Variants in MYO7A observed in about 807,000 individuals in gnomAD.
MYO7A encodes myosin VIIA.
MYO7A carries 210 observed loss-of-function variants against 263.8 expected under a neutral mutation model. That is an observed-to-expected ratio of 0.80 (90% CI 0.71 to 0.89). The LOEUF (loss-of-function observed/expected upper bound fraction) is 0.89, where lower values mean the gene tolerates loss of function less well. Among genes scored for constraint, MYO7A ranks in the 40% least tolerant of loss-of-function variants. The pLI is 0.00. For synonymous variants in MYO7A, 1,239 were observed against 1,197.3 expected (o/e 1.03, Z -0.72); for missense variants, 2,820 against 2,968.3 (o/e 0.95, Z 1.16).
intron 2 of MYO7A, 138 bp downstream of exon 2, chr11:77,130,790 G>A: frequency 1.0e-6 from 1 of 955,440 alleles, no homozygotes; most frequent in Admixed American, 2.1e-5. Flanking sequence ...AGCCCTCCAG[G>A]CTGAGGCCTA....
At chr11:77,140,314 G>C (rs1188547137) in intron 2 of MYO7A, among the ~76,000 whole-genome samples, 1 of 152,172 alleles carries the variant, frequency 6.6e-6, no homozygotes, top group Non-Finnish European at 1.5e-5. Flanking sequence ...GACTCTATCA[G>C]TGTTTCCTGT....
intron 3 of MYO7A, 72 bp from the exon 4 acceptor site, chr11:77,147,726 G>T: frequency 2.6e-6 from 4 of 1,529,898 alleles, no homozygotes; most frequent in Non-Finnish European, 3.5e-6. Flanking sequence ...GCTCCCGCCC[G>T]TCCCGGCCCC....
chr11:77,133,580 T>A (rs1950827362), intron 2 of MYO7A, among the ~76,000 whole-genome samples: 1 of 152,270 alleles, frequency 6.6e-6, no homozygotes. Flanking sequence ...ATGAAATCCT[T>A]CTACTTTTAA....
rs775968441 is a variant in MYO7A, at chr11:77,198,536, T to C, written c.4483T>C (p.Trp1495Arg). 6.2e-7 allele frequency: 1 copy of C among 1,613,928 alleles called. No individual in the cohort carries two copies. The highest frequency in any genetic ancestry group is 1.1e-5 in the South Asian group (1 of 91,080). Residue 1495 changes from tryptophan to arginine, a missense_variant, in exon 34 of 49, where the codon TGG becomes CGG. Transcript: ENST00000409709. Reference protein sequence around the residue: ...PKNDVIVAVNWTGVYFVDEQE... With the variant: ...PKNDVIVAVNRTGVYFVDEQE... ...GAACGACGTCATCGTGGCCGTCAAC[T>C]GGACGGGTGTGTACTTTGTGGATGA...
At chr11:77,207,658 C>A (rs1361110186) in intron 42 of MYO7A, among the ~76,000 whole-genome samples, 1 of 152,218 alleles carries the variant, frequency 6.6e-6, no homozygotes, top group Non-Finnish European at 1.5e-5. Context: ...AAACACCAGA[C>A]CCTCACCCTG....
chr11:77,203,123 G>A lies in MYO7A; in HGVS notation c.5232G>A (p.Leu1744=). 3 of 1,550,100 alleles carry A rather than the reference G, an allele frequency of 1.9e-6. No individual in the cohort carries two copies. Among genetic ancestry groups the A allele is most frequent in the Non-Finnish European group, 1.7e-6 (2 of 1,147,550 alleles). ...MVSKARGKDR[L]WSHTREPLKQ... ...CCAAGGCCCGAGGCAAGGACCGGCT[G>A]TGGAGCCACACGCGGGAACCGCTCA... The change falls in exon 38 of 49, where the codon CTG becomes CTA. Residue 1744 remains leucine, a synonymous_variant. Coordinates refer to ENST00000409709, the MANE Select transcript of MYO7A (RefSeq NM_000260.4).
intron 25 of MYO7A, 50 bp downstream of exon 25, chr11:77,182,650 G>A: frequency 1.3e-6 from 2 of 1,597,976 alleles, no homozygotes; most frequent in Non-Finnish European, 1.7e-6. Flanking sequence ...CCGACAAGGA[G>A]GGCCGCTGGC....
intron 27 of MYO7A, among the ~76,000 whole-genome samples, 198 bp from the exon 28 acceptor site, chr11:77,189,146 C>T (rs559204521): frequency 3.3e-5 from 5 of 152,228 alleles, no homozygotes; most frequent in African/African-American, 1.2e-4. Context: ...TGCTTTATGC[C>T]CGATGATCCT....
chr11:77,162,041 C>T, intron 12 of MYO7A, 79 bp from the exon 13 acceptor site: 4 of 1,299,698 alleles, frequency 3.1e-6, no homozygotes, highest in South Asian at 1.4e-5. Context: ...GGCCATGCTG[C>T]AGGTGGAGGC....
intron 27 of MYO7A, among the ~76,000 whole-genome samples, chr11:77,185,253 T>G (rs529188401): frequency 6.6e-6 from 1 of 152,226 alleles, no homozygotes; most frequent in Admixed American, 6.5e-5. Flanking sequence ...ACAGTGAGAT[T>G]TGCTTTCACA....
In MYO7A at chr11:77,156,943, G is replaced by A. The variant is rs1283966831; in HGVS notation, c.674G>A (p.Gly225Asp). The A allele has an allele frequency of 3.7e-6, 6 of 1,614,004 alleles. No homozygotes were observed. Among genetic ancestry groups the A allele is most frequent in the East Asian group, 2.2e-5 (1 of 44,878 alleles). ...ATCGACATCCACTTCAACAAGCGGGGCGCCATCGAGGGCGCGAAGATTGAG... is the reference window on the plus strand; with the variant it reads ...ATCGACATCCACTTCAACAAGCGGGACGCCATCGAGGGCGCGAAGATTGAG... ...KYIDIHFNKRGAIEGAKIEQY... is the reference protein window; with the variant it reads ...KYIDIHFNKRDAIEGAKIEQY... The change falls in exon 7 of 49, where the codon GGC becomes GAC. Residue 225 changes from glycine (G) to aspartate (D), a missense_variant. Coordinates refer to ENST00000409709, the MANE Select transcript of MYO7A (RefSeq NM_000260.4).
chr11:77,153,271 G>A (rs533020532), intron 4 of MYO7A, among the ~76,000 whole-genome samples: 12 of 152,098 alleles, frequency 7.9e-5, no homozygotes, highest in Middle Eastern at 3.4e-3. Flanking sequence ...GTGTCCAGGG[G>A]CTCCCCAGTT....
intron 31 of MYO7A, chr11:77,193,900 A>T (rs10899359): frequency 4.8e-6 from 2 of 416,838 alleles, no homozygotes; most frequent in Non-Finnish European, 9.8e-6. Context: ...AACGGTGGTA[A>T]TGGTGATGGA....
chr11:77,208,888 GCCAGGTGTGGGGC>G (rs1957667975), intron 44 of MYO7A, 85 bp downstream of exon 44: 1 of 1,148,712 alleles, frequency 8.7e-7, no homozygotes, highest in African/African-American at 1.5e-5. Context: ...CACTGACCTT[GCCAGGTGTGGGGC>G]CCGTACCAGC....
chr11:77,190,579 A>AGCG, intron 29 of MYO7A, 118 bp from the exon 30 acceptor site: 1 of 1,043,938 alleles, frequency 9.6e-7, no homozygotes, highest in East Asian at 2.8e-5. Context: ...CCAGTGAGGT[A>AGCG]CTGGGGCCTG....
In MYO7A at chr11:77,181,443, CG is replaced by C; in HGVS notation, c.2760del (p.Arg921GlyfsTer141). ...ERELKEKEAA[R>X]RKKELLEQME... The stretch of plus-strand genomic sequence containing the variant: ...GGAGCTGAAGGAGAAGGAGGCCGCT[CG>C]GCGGAAGAAGGAGCTCCTGGAGCAG... On this transcript the variant is annotated frameshift_variant, in exon 23 of 49. Transcript: ENST00000409709. LOFTEE classifies it high-confidence loss of function. The C allele has an allele frequency of 6.2e-7, 1 of 1,604,282 alleles. No homozygotes were observed. Among genetic ancestry groups the C allele is most frequent in the Non-Finnish European group, 8.5e-7 (1 of 1,175,844 alleles).
In MYO7A at chr11:77,182,564, C is replaced by A. The variant is rs1412474435; in HGVS notation, c.3249C>A (p.Tyr1083Ter). 5.0e-6 allele frequency: 8 copies of A among 1,613,118 alleles called. No individual in the cohort carries two copies. The highest frequency in any genetic ancestry group is 1.7e-5 in the Admixed American group (1 of 60,008). The change falls in exon 25 of 49, where the codon TAC (tyrosine) becomes TAA (stop). Residue 1083 changes from tyrosine (Y) to a stop codon, truncating the protein, a stop_gained. Transcript: ENST00000409709. LOFTEE classifies it high-confidence loss of function. ...KIYETLGKKT[Y>*]KRELQALQGE... ...ATGAGACCCTGGGCAAGAAGACGTA[C>A]AAGAGGGAGCTGCAGGCCCTGCAGG... is the stretch of plus-strand genomic sequence containing the variant.
At chr11:77,134,935 C>T (rs572002724) in intron 2 of MYO7A, among the ~76,000 whole-genome samples, 2 of 152,116 alleles carry the variant, frequency 1.3e-5, no homozygotes, top group South Asian at 2.1e-4. Context: ...CAGGTCCCTG[C>T]CACCATGCCC....
intron 4 of MYO7A, among the ~76,000 whole-genome samples, chr11:77,149,042 C>G (rs757309502): frequency 6.6e-6 from 1 of 152,214 alleles, no homozygotes; most frequent in South Asian, 2.1e-4. Context: ...GTCTTTGGTC[C>G]ACACCCTGAC....
Sources: gnomAD v4.1 joint callset for allele counts (sites outside exome capture counted in the v4.1 genomes callset) on GRCh38, gnomAD v4.1.1 for gene constraint, MANE v1.5 for transcripts, NCBI Gene and HGNC (gene_info 2026-07-23, HGNC 2026-07-21) for gene names.